The following KIAA2012 variants were observed in gnomAD, a reference collection of about 807,000 sequenced individuals.
KIAA2012 encodes the protein KIAA2012, also known as uncharacterized protein KIAA2012.
A neutral mutation model predicts 150.6 loss-of-function variants in KIAA2012; 125 were observed. The observed-to-expected ratio is 0.83, with a 90% confidence interval of 0.72 to 0.96. KIAA2012 has a LOEUF of 0.96. KIAA2012 is among the 40% of genes least tolerant of loss of function. The probability of loss-of-function intolerance (pLI) is 0.00; values close to 1 mark genes in which losing one functional copy is unlikely to be tolerated. For synonymous variants in KIAA2012, 462 were observed against 504.7 expected, an observed-to-expected ratio of 0.92 and a Z score of 1.13; for missense variants, 1,219 against 1,354.9, an observed-to-expected ratio of 0.90 and a Z score of 1.57.
intron 4 of KIAA2012, among the ~76,000 whole-genome samples, chr2:202,095,456 C>G (rs1367828805): frequency 6.6e-6 from 1 of 152,202 alleles, no homozygotes; most frequent in Non-Finnish European, 1.5e-5. Context: ...ATTCCTTCCT[C>G]CCTGGGTTGT....
At chr2:202,119,630 C>G (rs539302603) in intron 11 of KIAA2012, among the ~76,000 whole-genome samples, 1 of 152,324 alleles carries the variant, frequency 6.6e-6, no homozygotes, top group East Asian at 1.9e-4. Flanking sequence ...CTGAACCCAA[C>G]TAACTCTTCC....
chr2:202,181,780 CTTG>C (rs1457170303), intron 15 of KIAA2012, among the ~76,000 whole-genome samples: 5 of 151,900 alleles, frequency 3.3e-5, no homozygotes, highest in Admixed American at 2.0e-4. Flanking sequence ...TTTTTTGGTT[CTTG>C]TTTGTTTTTA....
chr2:202,170,148 C>T (rs1002649312), intron 15 of KIAA2012, among the ~76,000 whole-genome samples: 2 of 152,190 alleles, frequency 1.3e-5, no homozygotes, highest in African/African-American at 4.8e-5. Flanking sequence ...GGGAGGAGGC[C>T]ATCCCTGTGC....
chr2:202,110,132 C>T (rs1436326983), intron 10 of KIAA2012, among the ~76,000 whole-genome samples: 6 of 152,116 alleles, frequency 3.9e-5, no homozygotes, highest in Admixed American at 3.3e-4. Flanking sequence ...TAACCCTTGC[C>T]CCCTGAGGCA....
chr2:202,090,640 T>C (rs1050827579), intron 2 of KIAA2012, 130 bp from the exon 3 acceptor site: 4 of 1,015,886 alleles, frequency 3.9e-6, no homozygotes, highest in Non-Finnish European at 5.5e-6. Flanking sequence ...CCGAGGCATC[T>C]GTTTTTGGTG....
intron 4 of KIAA2012, among the ~76,000 whole-genome samples, chr2:202,093,582 T>C (rs1000360754): frequency 6.6e-6 from 1 of 152,224 alleles, no homozygotes; most frequent in Non-Finnish European, 1.5e-5. Flanking sequence ...ACTCTTATAT[T>C]CCTGAATCCT....
chr2:202,100,031 T>A (rs1054197770), intron 6 of KIAA2012, among the ~76,000 whole-genome samples: 1 of 152,186 alleles, frequency 6.6e-6, no homozygotes, highest in Non-Finnish European at 1.5e-5. Flanking sequence ...CCACTTACAG[T>A]TGTGATCTTG....
At chr2:202,078,131 A>G (rs1689364146) in intron 2 of KIAA2012, among the ~76,000 whole-genome samples, 1 of 152,264 alleles carries the variant, frequency 6.6e-6, no homozygotes, top group Non-Finnish European at 1.5e-5. Context: ...AAAAACATTG[A>G]CTACAGGGTT....
intron 15 of KIAA2012, among the ~76,000 whole-genome samples, chr2:202,169,757 G>C (rs1243629590): frequency 1.3e-5 from 2 of 152,182 alleles, no homozygotes; most frequent in African/African-American, 4.8e-5. Flanking sequence ...TATGCCCACT[G>C]ATGTCTGGGA....
chr2:202,075,888 C>T (rs1689313545), intron 2 of KIAA2012, among the ~76,000 whole-genome samples: 1 of 152,226 alleles, frequency 6.6e-6, no homozygotes, highest in South Asian at 2.1e-4. Context: ...AAAATAAAGT[C>T]ATTAGCTTCT....
rs993405732 is a variant in KIAA2012, at chr2:202,097,604, C to A, written c.828+27C>A. On this transcript the variant is annotated intron_variant, in intron 5 of 23. Transcript: ENST00000498697. ...TACCATTTCTTTTTTTTTTTTTTTT[C>A]CCCGAGACGGAGTCTCACTCTGTCA... is the stretch of plus-strand genomic sequence containing the variant. 3.7e-5 allele frequency: 55 copies of A among 1,496,158 alleles called. 1 individual carries two copies. Among genetic ancestry groups the A allele is most frequent in the Admixed American group, 4.3e-5 (2 of 46,876 alleles). 92.7% of individuals were successfully genotyped at this position (1,496,158 alleles called of 1,614,324 possible). A position where few individuals can be genotyped will look rare whatever the true frequency, so the allele number is the denominator to read the frequency against.
chr2:202,116,465 C>CTTTTTTTGTTTTTTT (rs1690529027), intron 11 of KIAA2012: 1 of 57,986 alleles, frequency 1.7e-5, no homozygotes, highest in African/African-American at 8.1e-5. Context: ...CCATGCCCGG[C>CTTTTTTTGTTTTTTT]TTTTTTTTTT....
chr2:202,088,381 A>T (rs1346813685), intron 2 of KIAA2012, among the ~76,000 whole-genome samples: 1 of 152,230 alleles, frequency 6.6e-6, no homozygotes, highest in Admixed American at 6.5e-5. Context: ...TGCATTAAGT[A>T]TTTTACATAC....
intron 15 of KIAA2012, chr2:202,179,398 A>G (rs879175980): frequency 7.8e-6 from 6 of 769,884 alleles, no homozygotes; most frequent in Non-Finnish European, 1.4e-5. Flanking sequence ...GAGCCCTGTC[A>G]GTGGGAATTA....
chr2:202,168,604 G>T lies in KIAA2012; in HGVS notation c.2119+3248G>T, dbSNP rs138566709. 4.0e-3 allele frequency among the ~76,000 whole-genome samples: 606 copies of T among 152,156 alleles called. 2 individuals carry two copies. Among genetic ancestry groups the T allele is most frequent in the Non-Finnish European group, 6.8e-3 (465 of 68,000 alleles). On this transcript the variant is annotated intron_variant, in intron 15 of 23. Coordinates refer to ENST00000498697, the MANE Select transcript of KIAA2012 (RefSeq NM_001277372.4). Reference sequence around the variant, plus strand: ...TTTCCCAGTCTGGGTGGCATAAGGGGTATTGGGGGTGCTTTTGGGGGATGC... The same window carrying T: ...TTTCCCAGTCTGGGTGGCATAAGGGTTATTGGGGGTGCTTTTGGGGGATGC...
At chr2:202,195,538 A>T (rs1005169423) in intron 21 of KIAA2012, among the ~76,000 whole-genome samples, 7 of 152,104 alleles carry the variant, frequency 4.6e-5, no homozygotes, top group African/African-American at 1.7e-4. Context: ...AAAAGAAAAA[A>T]GAAAAAAACT....
At chr2:202,092,806 G>A (rs1689759307) in intron 3 of KIAA2012, among the ~76,000 whole-genome samples, 1 of 152,062 alleles carries the variant, frequency 6.6e-6, no homozygotes, top group African/African-American at 2.4e-5. Flanking sequence ...TGGGGTGGAG[G>A]AAGTACACAT....
intron 10 of KIAA2012, 32 bp from the exon 11 acceptor site, chr2:202,113,304 T>G (rs1290782613): frequency 6.6e-7 from 1 of 1,512,738 alleles, no homozygotes; most frequent in Non-Finnish European, 9.0e-7. Flanking sequence ...AACACGGTAC[T>G]GACACTGCCT....
At chr2:202,161,060 A>C (rs1691644338) in intron 14 of KIAA2012, among the ~76,000 whole-genome samples, 1 of 152,196 alleles carries the variant, frequency 6.6e-6, no homozygotes, top group African/African-American at 2.4e-5. Context: ...TTCCAAGGAA[A>C]AGATAACCTA....
Sources: gnomAD v4.1 joint callset for allele counts (sites outside exome capture counted in the v4.1 genomes callset) on GRCh38, gnomAD v4.1.1 for gene constraint, MANE v1.5 for transcripts, NCBI Gene and HGNC (gene_info 2026-07-23, HGNC 2026-07-21) for gene names.